The following PTK2 variants were observed in gnomAD, a reference collection of about 807,000 sequenced individuals.
PTK2 encodes the protein protein tyrosine kinase 2.
Under a neutral mutation model 150.1 loss-of-function variants are expected in PTK2, and 45 were observed. The ratio of observed to expected loss-of-function variants is 0.30; its 90% confidence interval spans 0.24 to 0.38. The LOEUF (loss-of-function observed/expected upper bound fraction) is 0.38, where lower values mean the gene tolerates loss of function less well. PTK2 is among the 10% of genes least tolerant of loss of function. PTK2 has a pLI of 1.00. For missense variants in PTK2, 919 were observed against 1,307.3 expected, an observed-to-expected ratio of 0.70 and a Z score of 4.58; for synonymous variants, 432 against 449.2, an observed-to-expected ratio of 0.96 and a Z score of 0.48.
intron 23 of PTK2, among the ~76,000 whole-genome samples, chr8:140,711,295 C>G (rs924540553): frequency 6.6e-6 from 1 of 152,072 alleles, no homozygotes; most frequent in Admixed American, 6.6e-5. Flanking sequence ...TTAGTACAGA[C>G]AGGGTTTCGC....
At chr8:140,860,475 T>C (rs549785242) in intron 5 of PTK2, among the ~76,000 whole-genome samples, 1 of 152,224 alleles carries the variant, frequency 6.6e-6, no homozygotes, top group East Asian at 1.9e-4. Flanking sequence ...TGACAAATCA[T>C]AGTATTTTGT....
chr8:140,929,280 A>G (rs577693608), intron 1 of PTK2, among the ~76,000 whole-genome samples: 12 of 152,272 alleles, frequency 7.9e-5, no homozygotes, highest in Admixed American at 6.5e-4. Context: ...TTTTTAACTT[A>G]AAAAATGTTA....
At chr8:140,828,706 T>G (rs760277011) in intron 8 of PTK2, among the ~76,000 whole-genome samples, 11 of 152,216 alleles carry the variant, frequency 7.2e-5, no homozygotes, top group Non-Finnish European at 1.6e-4. Flanking sequence ...TCCTCCTCAC[T>G]GCAGCACCCA....
chr8:140,701,071 T>C, intron 25 of PTK2, 49 bp from the exon 29 acceptor site: 1 of 1,562,272 alleles, frequency 6.4e-7, no homozygotes, highest in Non-Finnish European at 8.7e-7. Flanking sequence ...AGTCTATTCC[T>C]ATGCTCTTAC....
At chr8:140,819,082 T>G in intron 8 of PTK2, 62 bp from the exon 9 acceptor site, 2 of 1,534,194 alleles carry the variant, frequency 1.3e-6, no homozygotes, top group Non-Finnish European at 1.8e-6. Flanking sequence ...ACCACAACAA[T>G]AATGGTAAGA....
rs771308693 is a variant in PTK2 at position 140,752,306 on chromosome 8, G to A, written c.1343C>T (p.Ala448Val). The change falls in exon 17 of 32, where the codon GCT becomes GTT. Residue 448 changes from alanine (A) to valine (V), a missense_variant. Ala to Val is a moderately conservative substitution (Grantham distance 64). Around this residue, in one of 3 missense-constraint regions of PTK2, gnomAD observed 555 missense variants for 880.1 expected, o/e 0.63. Coordinates refer to ENST00000522684, the Ensembl canonical transcript of PTK2. The stretch of plus-strand genomic sequence containing the variant: ...ACATGTTTTAATTGCAACCGCCAAA[G>A]CTGGATTCTCCTGTGTTAGGGAAAT... The A allele has an allele frequency of 5.6e-6, 9 of 1,613,810 alleles. No homozygotes were observed. In the Admixed American group the frequency reaches 1.5e-4, roughly 27 times the overall value.
chr8:140,987,419 G>A (rs1448696189), intron 1 of PTK2, among the ~76,000 whole-genome samples: 1 of 152,180 alleles, frequency 6.6e-6, no homozygotes, highest in African/African-American at 2.4e-5. Context: ...GACCTTAAGT[G>A]ATCCACCTGC....
At chr8:140,827,321 T>C (rs2100112379) in intron 8 of PTK2, among the ~76,000 whole-genome samples, 1 of 151,912 alleles carries the variant, frequency 6.6e-6, no homozygotes, top group Admixed American at 6.6e-5. Context: ...TCGCTGTTTC[T>C]AGGGTGTGAG....
intron 1 of PTK2, among the ~76,000 whole-genome samples, chr8:140,932,456 T>C (rs1388632601): frequency 6.6e-6 from 1 of 152,114 alleles, no homozygotes; most frequent in Non-Finnish European, 1.5e-5. Flanking sequence ...CCTCCAGTGA[T>C]CCACCCGCAT....
chr8:140,932,240 A>G (rs1319526125), intron 1 of PTK2, among the ~76,000 whole-genome samples: 2 of 151,816 alleles, frequency 1.3e-5, no homozygotes, highest in Admixed American at 6.6e-5. Context: ...TCTTTTTTTG[A>G]GATAAAGTCT....
intron 27 of PTK2, among the ~76,000 whole-genome samples, chr8:140,678,592 G>A (rs969227996): frequency 1.3e-5 from 2 of 152,106 alleles, no homozygotes; most frequent in African/African-American, 4.8e-5. Flanking sequence ...GAGCTCAAGC[G>A]ATCCACCCAT....
rs184032383 is a variant in PTK2 at position 140,905,256 on chromosome 8, C to T, written c.-32-14487G>A. Among the ~76,000 whole-genome samples, 382 of 152,094 alleles carry T rather than the reference C, an allele frequency of 2.5e-3. 3 individuals are homozygous for T. Among genetic ancestry groups the T allele is most frequent in the African/African-American group, 8.8e-3 (364 of 41,484 alleles). ...AACTGGATAAAGAGTCAAGACTCAT[C>T]GGAGTGCTGTATTTGGGAGACCCAT... is the stretch of plus-strand genomic sequence containing the variant. On this transcript the variant is annotated intron_variant, in intron 2 of 31. Coordinates refer to ENST00000522684, the Ensembl canonical transcript of PTK2.
intron 31 of PTK2, chr8:140,660,675 A>G (rs1206557725): frequency 2.2e-6 from 1 of 452,856 alleles, no homozygotes; most frequent in Non-Finnish European, 4.4e-6. Flanking sequence ...GTAGTGAGCC[A>G]AGATCGTGCC....
intron 2 of PTK2, among the ~76,000 whole-genome samples, chr8:140,907,299 C>T (rs532719741): frequency 6.6e-6 from 1 of 152,298 alleles, no homozygotes; most frequent in African/African-American, 2.4e-5. Context: ...AGATTTCATA[C>T]TTTTTCAGAT....
At chr8:140,831,290 G>A (rs1454208649) in intron 7 of PTK2, among the ~76,000 whole-genome samples, 1 of 152,192 alleles carries the variant, frequency 6.6e-6, no homozygotes, top group Non-Finnish European at 1.5e-5. Context: ...TGTCACTCGT[G>A]TGCTAGCAAT....
In PTK2 at chr8:140,889,050, A is replaced by G. The variant is rs373142893; in HGVS notation, c.195+1493T>C. On this transcript the variant is annotated intron_variant, in intron 3 of 31. Transcript: ENST00000522684. Reference sequence around the variant, plus strand: ...TTTTATAAAGTTAAAAGTAAAACACAGAAGTAGAAAAAAAACAGAAAACGC... The same window carrying G: ...TTTTATAAAGTTAAAAGTAAAACACGGAAGTAGAAAAAAAACAGAAAACGC... Among the ~76,000 whole-genome samples the G allele has an allele frequency of 4.5e-4, 68 of 152,326 alleles. No homozygotes were observed. In the East Asian group the frequency reaches 9.6e-3, roughly 22 times the overall value.
chr8:140,724,072 T>C (rs928412010), intron 22 of PTK2, among the ~76,000 whole-genome samples: 47 of 152,150 alleles, frequency 3.1e-4, no homozygotes, highest in African/African-American at 1.1e-3. Flanking sequence ...TTTTCAGAAG[T>C]AGAAAAGGCC....
intron 3 of PTK2, among the ~76,000 whole-genome samples, chr8:140,888,939 A>G (rs1167293557): frequency 6.6e-6 from 1 of 152,186 alleles, no homozygotes; most frequent in Non-Finnish European, 1.5e-5. Context: ...ATAAAGTTAC[A>G]TCTACAAGGT....
chr8:140,728,735 G>A (rs930536909), intron 22 of PTK2, among the ~76,000 whole-genome samples: 2 of 152,052 alleles, frequency 1.3e-5, no homozygotes, highest in African/African-American at 4.8e-5. Context: ...TGGCCAGGCT[G>A]GTCTTGAACT....
Sources: allele counts gnomAD v4.1 joint callset (sites outside exome capture counted in the v4.1 genomes callset), GRCh38; gene constraint gnomAD v4.1.1; regional missense constraint gnomAD v4.1.1; transcripts MANE v1.5; gene names NCBI Gene and HGNC (gene_info 2026-07-23, HGNC 2026-07-21).